Variants in KCNAB1 observed in about 807,000 individuals in gnomAD.
KCNAB1 encodes potassium voltage-gated channel subfamily A regulatory beta subunit 1, also known as voltage-gated potassium channel subunit beta-1.
KCNAB1 carries 35 observed loss-of-function variants against 64.6 expected under a neutral mutation model. The ratio of observed to expected loss-of-function variants is 0.54; its 90% CI spans 0.41 to 0.72. The LOEUF is 0.72. KCNAB1 is among the 30% of genes least tolerant of loss of function. The pLI is 0.00. For missense variants in KCNAB1, 401 were observed against 512.9 expected, an observed-to-expected ratio of 0.78 and a Z score of 2.11; for synonymous variants, 177 against 183.8, an observed-to-expected ratio of 0.96 and a Z score of 0.30.
intron 1 of KCNAB1, among the ~76,000 whole-genome samples, chr3:156,377,891 T>C (rs1185735604): frequency 6.6e-6 from 1 of 152,062 alleles, no homozygotes; most frequent in Non-Finnish European, 1.5e-5. Context: ...ATGGGTTGCC[T>C]CAACTTTTCT....
chr3:156,247,442 G>GT (rs897509430), intron 1 of KCNAB1, among the ~76,000 whole-genome samples: 6 of 152,008 alleles, frequency 3.9e-5, no homozygotes, highest in Admixed American at 6.5e-5. Context: ...TTTGTACCTG[G>GT]TAAGAGATTT....
At chr3:156,446,394 G>A (rs1189576635) in intron 2 of KCNAB1, among the ~76,000 whole-genome samples, 2 of 152,168 alleles carry the variant, frequency 1.3e-5, no homozygotes, top group African/African-American at 2.4e-5. Context: ...TTTACCTGGT[G>A]TATTGCTTAA....
intron 12 of KCNAB1, among the ~76,000 whole-genome samples, chr3:156,530,103 T>TA (rs1402605518): frequency 2.0e-4 from 30 of 152,202 alleles, no homozygotes; most frequent in African/African-American, 7.2e-4. Flanking sequence ...TCTAAGCAGG[T>TA]AAAAAGGGTC....
chr3:156,238,727 G>A lies in KCNAB1; in HGVS notation c.275+117841G>A, dbSNP rs980699060. ...ATAACATGAGTAATTTTTCTAAATA[G>A]CATTGCTTGTTGTGTCATTGATTCA... On this transcript the variant is annotated intron_variant, in intron 1 of 13. Coordinates refer to ENST00000490337, the MANE Select transcript of KCNAB1 (RefSeq NM_172160.3). 2.6e-5 allele frequency among the ~76,000 whole-genome samples: 4 copies of A among 152,174 alleles called. No homozygotes were observed. The East Asian group carries it at 5.8e-4, about 22-fold the overall frequency.
intron 8 of KCNAB1, among the ~76,000 whole-genome samples, chr3:156,475,927 T>C (rs1287818379): frequency 6.6e-6 from 1 of 152,204 alleles, no homozygotes; most frequent in Non-Finnish European, 1.5e-5. Context: ...TATAACTAAC[T>C]TTCTCCTACA....
chr3:156,270,870 A>T (rs115184570), intron 1 of KCNAB1, among the ~76,000 whole-genome samples: 2,649 of 152,218 alleles, frequency 0.017, 54 homozygotes, highest in South Asian at 0.022. Flanking sequence ...GTGGGACAGG[A>T]CTGATGATGA....
At chr3:156,204,240 G>A (rs1368411515) in intron 1 of KCNAB1, among the ~76,000 whole-genome samples, 1 of 152,196 alleles carries the variant, frequency 6.6e-6, no homozygotes, top group African/African-American at 2.4e-5. Flanking sequence ...TAGGAGCCAT[G>A]CACTCCCAGG....
At chr3:156,408,789 AAAAAT>A (rs931665509) in intron 1 of KCNAB1, among the ~76,000 whole-genome samples, 3 of 152,132 alleles carry the variant, frequency 2.0e-5, no homozygotes, top group Non-Finnish European at 4.4e-5. Flanking sequence ...CCATAAAAAA[AAAAAT>A]AAAATAAAAT....
chr3:156,122,726 A>T (rs916982477), intron 1 of KCNAB1, among the ~76,000 whole-genome samples: 89 of 152,332 alleles, frequency 5.8e-4, no homozygotes, highest in African/African-American at 2.1e-3. Context: ...ATCAAAAATT[A>T]AAAATTTCCC....
chr3:156,411,081 A>G (rs1337125931), intron 1 of KCNAB1, among the ~76,000 whole-genome samples: 2 of 152,172 alleles, frequency 1.3e-5, no homozygotes, highest in Non-Finnish European at 2.9e-5. Flanking sequence ...ATGAGATTCC[A>G]TTTGCTCTGT....
chr3:156,455,128 A>G (rs909692164), intron 3 of KCNAB1, among the ~76,000 whole-genome samples: 4 of 152,226 alleles, frequency 2.6e-5, no homozygotes, highest in African/African-American at 9.6e-5. Flanking sequence ...AGCCTCACCC[A>G]TCACAGAATT....
chr3:156,220,897 G>A (rs1364550464), intron 1 of KCNAB1, among the ~76,000 whole-genome samples: 1 of 152,166 alleles, frequency 6.6e-6, no homozygotes, highest in African/African-American at 2.4e-5. Context: ...TTTTGTATAA[G>A]GTGTAAGGAA....
chr3:156,213,422 C>T (rs1409934410), intron 1 of KCNAB1, among the ~76,000 whole-genome samples: 1 of 152,130 alleles, frequency 6.6e-6, no homozygotes, highest in Non-Finnish European at 1.5e-5. Flanking sequence ...CTATGTTGAC[C>T]AGGCTGGTCT....
At chr3:156,193,065 A>T (rs968344915) in intron 1 of KCNAB1, among the ~76,000 whole-genome samples, 4 of 151,842 alleles carry the variant, frequency 2.6e-5, no homozygotes, top group African/African-American at 9.7e-5. Context: ...TACTTGTCTT[A>T]TCTATTCTGT....
rs561769681 is a variant in KCNAB1, at chr3:156,452,605, T to C, written c.320-294T>C. ...TTGTACACTAGCATCCATGGTCCAA[T>C]AGCAGAAGGGAAAGCATCTTCTAGG... On this transcript the variant is annotated intron_variant, in intron 2 of 13. Coordinates refer to ENST00000490337, the MANE Select transcript of KCNAB1 (RefSeq NM_172160.3). The surrounding 1 kb of genome is among the most constrained non-coding windows in gnomAD (Gnocchi z 4.6). Among the ~76,000 whole-genome samples the C allele has an allele frequency of 5.9e-5, 9 of 152,280 alleles. No homozygotes were observed. The highest frequency in any genetic ancestry group is 4.6e-4 in the Admixed American group (7 of 15,300).
intron 8 of KCNAB1, among the ~76,000 whole-genome samples, chr3:156,496,345 G>A (rs1716008887): frequency 6.6e-6 from 1 of 152,092 alleles, no homozygotes; most frequent in Admixed American, 6.6e-5. Context: ...ACAGGGACAG[G>A]TGTTTCTGTG....
chr3:156,488,084 G>T (rs1028616553), intron 8 of KCNAB1, among the ~76,000 whole-genome samples: 3 of 152,002 alleles, frequency 2.0e-5, no homozygotes, highest in Admixed American at 6.6e-5. Context: ...AAACACTCAG[G>T]TGCAAAACCT....
At chr3:156,480,253 A>T (rs1049895165) in intron 8 of KCNAB1, among the ~76,000 whole-genome samples, 18 of 152,134 alleles carry the variant, frequency 1.2e-4, no homozygotes, top group African/African-American at 4.1e-4. Flanking sequence ...TCTTCTGCAA[A>T]TATTATCAGG....
At chr3:156,372,969 C>T (rs529922704) in intron 1 of KCNAB1, among the ~76,000 whole-genome samples, 19 of 152,298 alleles carry the variant, frequency 1.2e-4, no homozygotes, top group African/African-American at 4.6e-4. Context: ...TTGGCACATG[C>T]CAGACATACA....
Sources: gnomAD v4.1 joint callset for allele counts (sites outside exome capture counted in the v4.1 genomes callset) on GRCh38, gnomAD v4.1.1 for gene constraint, Gnocchi (gnomAD v3.1) non-coding constraint, MANE v1.5 for transcripts, NCBI Gene and HGNC (gene_info 2026-07-23, HGNC 2026-07-21) for gene names.